Variants in SUZ12 observed in about 807,000 individuals in gnomAD.
SUZ12 encodes SUZ12 polycomb repressive complex 2 subunit, also known as polycomb protein SUZ12.
A neutral mutation model predicts 87.3 loss-of-function variants in SUZ12; 17 were observed. The observed-to-expected ratio is 0.19, with a 90% CI of 0.13 to 0.29. The LOEUF (loss-of-function observed/expected upper bound fraction) is 0.29, where lower values mean the gene tolerates loss of function less well. Among genes scored for constraint, SUZ12 ranks in the 10% least tolerant of loss-of-function variants. The probability of loss-of-function intolerance (pLI) is 1.00; values close to 1 mark genes in which losing one functional copy is unlikely to be tolerated. For synonymous variants in SUZ12, 253 were observed against 312.4 expected (o/e 0.81, Z 2.01); for missense variants, 526 against 912.2 (o/e 0.58, Z 5.45).
At chr17:31,949,659 AG>A (rs1567814645) in intron 4 of SUZ12, among the ~76,000 whole-genome samples, 5 of 2,032 alleles carry the variant, frequency 2.5e-3, no homozygotes, top group African/African-American at 2.7e-3. Context: ...CACCACACCC[AG>A]CCCCCCCCCC....
chr17:31,995,946 C>T (rs760231900), intron 14 of SUZ12, among the ~76,000 whole-genome samples, 184 bp downstream of exon 14: 2 of 151,836 alleles, frequency 1.3e-5, no homozygotes, highest in South Asian at 2.1e-4. Context: ...TGGTGGCGGT[C>T]GCTCACACCT....
intron 11 of SUZ12, 86 bp downstream of exon 11, chr17:31,993,419 AT>A: frequency 1.1e-6 from 1 of 903,426 alleles, no homozygotes; most frequent in African/African-American, 1.7e-5. Context: ...GTTCATTTTT[AT>A]TTTATTTATT....
chr17:31,942,427 G>A (rs949765387), intron 3 of SUZ12, among the ~76,000 whole-genome samples: 3 of 149,756 alleles, frequency 2.0e-5, no homozygotes, highest in African/African-American at 4.9e-5. Flanking sequence ...CCTCCACCTC[G>A]CGGGTTCAAG....
chr17:31,977,121 G>A (rs1051132266), intron 8 of SUZ12, among the ~76,000 whole-genome samples: 10 of 152,114 alleles, frequency 6.6e-5, no homozygotes, highest in African/African-American at 2.4e-4. Flanking sequence ...TAAAAATTAA[G>A]GAAGAGGAGC....
rs1469958350 is a variant in SUZ12 at position 31,999,893 on chromosome 17, G to A, written c.*890G>A. ...TGAGATTTTAAGATGTCACTTATAA[G>A]GGGAGAAGTGTTCTTAAAAAGTCAA... On this transcript the variant is annotated 3_prime_UTR_variant, in exon 16 of 16. Transcript: ENST00000322652. The A allele has an allele frequency of 8.6e-6, 2 of 232,568 alleles. No homozygotes were observed. The highest frequency in any genetic ancestry group is 5.6e-5 in the Admixed American group (1 of 17,758). 14.4% of individuals were successfully genotyped at this position (232,568 alleles called of 1,614,324 possible).
In SUZ12 at chr17:31,983,061, T is replaced by C; in HGVS notation, c.980T>C (p.Ile327Thr). 6.2e-7 allele frequency: 1 copy of C among 1,613,710 alleles called. No individual in the cohort carries two copies. The highest frequency in any genetic ancestry group is 1.7e-4 in the Middle Eastern group (1 of 6,054). The change falls in exon 9 of 16, where the codon ATA becomes ACA. Residue 327 changes from isoleucine to threonine, a missense_variant. This residue lies in a region of SUZ12 where 10 missense variants were observed against 50.9 expected (regional missense o/e 0.20). Coordinates refer to ENST00000322652, the MANE Select transcript of SUZ12 (RefSeq NM_015355.4). ...VAMQEMEECP[I>T]SKKRATWETI... The stretch of plus-strand genomic sequence containing the variant: ...ATGCAGGAAATGGAAGAATGTCCAA[T>C]AAGCAAGAAAAGAGCAACATGGGAG...
intron 10 of SUZ12, among the ~76,000 whole-genome samples, chr17:31,992,917 G>A (rs1002222613): frequency 6.6e-6 from 1 of 151,748 alleles, no homozygotes; most frequent in Non-Finnish European, 1.5e-5. Context: ...ACGTTGGGCA[G>A]GCTGGTCTCT....
chr17:31,937,635 A>C lies in SUZ12; in HGVS notation c.274+115A>C, dbSNP rs974420705. Reference sequence around the variant, plus strand: ...AGTCCACTTGTGTGGTAGTGGAGGGAGGAATTGAGGGGATGTCCCCCTTTC... The same window carrying C: ...AGTCCACTTGTGTGGTAGTGGAGGGCGGAATTGAGGGGATGTCCCCCTTTC... On this transcript the variant is annotated intron_variant, in intron 1 of 15. Transcript: ENST00000322652. 7.3e-6 allele frequency: 10 copies of C among 1,365,232 alleles called. No individual in the cohort carries two copies. The African/African-American group carries it at 1.2e-4, about 17-fold the overall frequency. 84.6% of individuals were successfully genotyped at this position (1,365,232 alleles called of 1,614,324 possible).
At chr17:31,991,305 G>T (rs944493001) in intron 10 of SUZ12, among the ~76,000 whole-genome samples, 2 of 151,662 alleles carry the variant, frequency 1.3e-5, no homozygotes, top group Non-Finnish European at 2.9e-5. Context: ...TGAAGCCCAG[G>T]AGTTCAAGAC....
At chr17:31,971,383 T>C (rs1908419780) in intron 5 of SUZ12, among the ~76,000 whole-genome samples, 1 of 151,784 alleles carries the variant, frequency 6.6e-6, no homozygotes, top group South Asian at 2.1e-4. Context: ...AAGAAAAAAA[T>C]TGAAGATGCT....
At chr17:31,940,255 T>C in intron 1 of SUZ12, 31 bp from the exon 2 acceptor site, 1 of 1,592,028 alleles carries the variant, frequency 6.3e-7, no homozygotes, top group Non-Finnish European at 8.5e-7. Flanking sequence ...TAAGTTTAGA[T>C]CATGTTTGGA....
intron 4 of SUZ12, among the ~76,000 whole-genome samples, chr17:31,965,416 T>C (rs533299493): frequency 6.6e-6 from 1 of 152,340 alleles, no homozygotes; most frequent in African/African-American, 2.4e-5. Context: ...TTTTATCCCA[T>C]GCTTATTGTT....
chr17:31,953,905 G>T (rs902016344), intron 4 of SUZ12, among the ~76,000 whole-genome samples: 1 of 151,470 alleles, frequency 6.6e-6, no homozygotes, highest in East Asian at 1.9e-4. Context: ...GTAGAGAAGG[G>T]GTTTCACCAT....
At chr17:31,943,266 G>T (rs1177182757) in intron 3 of SUZ12, among the ~76,000 whole-genome samples, 1 of 152,082 alleles carries the variant, frequency 6.6e-6, no homozygotes. Flanking sequence ...TTCTGTAAAG[G>T]ACCAGTAAAT....
chr17:31,960,758 T>A (rs1907660522), intron 4 of SUZ12, among the ~76,000 whole-genome samples: 1 of 152,048 alleles, frequency 6.6e-6, no homozygotes, highest in African/African-American at 2.4e-5. Context: ...TTTGTATTTT[T>A]AGTAGAGACA....
intron 9 of SUZ12, among the ~76,000 whole-genome samples, chr17:31,983,494 C>T (rs901844590): frequency 2.0e-5 from 3 of 151,936 alleles, no homozygotes; most frequent in African/African-American, 7.2e-5. Context: ...GTTGGCCAGG[C>T]TAGTCTGGAA....
chr17:31,997,408 A>T (rs1037713599), intron 15 of SUZ12, among the ~76,000 whole-genome samples: 1 of 152,156 alleles, frequency 6.6e-6, no homozygotes, highest in Non-Finnish European at 1.5e-5. Flanking sequence ...CATGCCTGTA[A>T]TCCCAGTACT....
At chr17:31,949,717 T>C in intron 4 of SUZ12, among the ~76,000 whole-genome samples, 1 of 107,172 alleles carries the variant, frequency 9.3e-6, no homozygotes. Flanking sequence ...AGACCAAGTC[T>C]CCCTCTTGCT....
At chr17:31,993,131 A>T in intron 10 of SUZ12, 111 bp from the exon 11 acceptor site, 1 of 652,730 alleles carries the variant, frequency 1.5e-6, no homozygotes, top group South Asian at 2.4e-5. Context: ...ATATTTAAAT[A>T]CCACAAGTAG....
Sources: gnomAD v4.1 joint callset for allele counts (sites outside exome capture counted in the v4.1 genomes callset) on GRCh38, gnomAD v4.1.1 for gene constraint, gnomAD v4.1.1 regional missense constraint, MANE v1.5 for transcripts, NCBI Gene and HGNC (gene_info 2026-07-23, HGNC 2026-07-21) for gene names.